The following PKHD1 variants were observed in gnomAD, a reference collection of about 807,000 sequenced individuals.
The protein encoded by PKHD1 is fibrocystin.
Under a neutral mutation model 412.0 loss-of-function variants are expected in PKHD1, and 291 were observed. The ratio of observed to expected loss-of-function variants is 0.71; its 90% CI spans 0.64 to 0.78. PKHD1 has a LOEUF of 0.78. PKHD1 is among the 30% of genes least tolerant of loss of function. PKHD1 has a pLI of 0.00. For synonymous variants in PKHD1, 1,777 were observed against 1,821.5 expected (o/e 0.98, Z 0.62); for missense variants, 4,825 against 4,950.7 (o/e 0.97, Z 0.76).
chr6:51,868,202 T>C (rs1247652073), intron 47 of PKHD1, 93 bp from the exon 48 acceptor site: 1 of 1,139,338 alleles, frequency 8.8e-7, no homozygotes, highest in Non-Finnish European at 1.3e-6. Flanking sequence ...AATTGCATAT[T>C]TATCTAGTTT....
At chr6:51,689,800 AT>A (rs1187328882) in intron 60 of PKHD1, among the ~76,000 whole-genome samples, 16 of 152,166 alleles carry the variant, frequency 1.1e-4, no homozygotes, top group Non-Finnish European at 2.1e-4. Flanking sequence ...GGGGTGAAAG[AT>A]TTTTTTATCC....
intron 60 of PKHD1, among the ~76,000 whole-genome samples, chr6:51,676,754 C>T (rs760625057): frequency 6.6e-6 from 1 of 152,054 alleles, no homozygotes. Context: ...CCTCAATACA[C>T]AAAAGAAGTA....
chr6:51,815,793 A>C (rs115235512), intron 52 of PKHD1, among the ~76,000 whole-genome samples: 2,174 of 152,254 alleles, frequency 0.014, 50 homozygotes, highest in African/African-American at 0.05. Context: ...GGTTTCTGTA[A>C]AGGTTAACTT....
chr6:51,870,666 A>C, intron 46 of PKHD1, 27 bp from the exon 47 acceptor site: 1 of 1,580,936 alleles, frequency 6.3e-7, no homozygotes, highest in Admixed American at 1.7e-5. Context: ...AAAAAGATGA[A>C]AGCAAAATAA....
At chr6:52,002,948 C>A (rs1381488771) in intron 35 of PKHD1, among the ~76,000 whole-genome samples, 1 of 152,172 alleles carries the variant, frequency 6.6e-6, no homozygotes, top group Non-Finnish European at 1.5e-5. Context: ...TAATCCAGTA[C>A]AGACATATAT....
chr6:51,621,223 C>T (rs529271305), intron 66 of PKHD1, among the ~76,000 whole-genome samples: 2 of 152,266 alleles, frequency 1.3e-5, no homozygotes, highest in South Asian at 2.1e-4. Flanking sequence ...TGTTTGTGTG[C>T]CGTCAACCTT....
At chr6:52,071,803 T>C (rs1308016025) in intron 8 of PKHD1, among the ~76,000 whole-genome samples, 3 of 152,126 alleles carry the variant, frequency 2.0e-5, no homozygotes, top group Non-Finnish European at 4.4e-5. Flanking sequence ...TAACCATACA[T>C]ACTCCCAAGA....
intron 35 of PKHD1, among the ~76,000 whole-genome samples, chr6:51,993,392 G>A (rs747015166): frequency 1.1e-4 from 16 of 152,214 alleles, no homozygotes; most frequent in African/African-American, 2.2e-4. Context: ...GACAGGTACC[G>A]AACACTTGAA....
chr6:51,949,418 C>T (rs4715264), intron 36 of PKHD1, among the ~76,000 whole-genome samples: 55,711 of 151,710 alleles, frequency 0.37, 11,120 homozygotes, highest in East Asian at 0.76. Flanking sequence ...TACCTTACTG[C>T]ACTGTGCTGC....
intron 2 of PKHD1, among the ~76,000 whole-genome samples, chr6:52,083,970 T>TAA (rs796981002): frequency 6.9e-5 from 10 of 144,138 alleles, no homozygotes; most frequent in African/African-American, 2.5e-4. Flanking sequence ...TCCTTTTGTT[T>TAA]AAAAAAAAAA....
chr6:51,735,276 C>T lies in PKHD1; in HGVS notation c.10156+9109G>A, dbSNP rs181180789. ...TAAATCTTGGTTCTGCACATTCTAACTGTGGGACTGTGAAAAATTAGTTAA... is the reference window on the plus strand; with the variant it reads ...TAAATCTTGGTTCTGCACATTCTAATTGTGGGACTGTGAAAAATTAGTTAA... On this transcript the variant is annotated intron_variant, in intron 60 of 66. Transcript: ENST00000371117. Among the ~76,000 whole-genome samples the T allele has an allele frequency of 2.5e-4, 38 of 152,282 alleles. No individual in the cohort carries two copies. In the East Asian group the frequency reaches 6.4e-3, roughly 26 times the overall value.
intron 53 of PKHD1, among the ~76,000 whole-genome samples, chr6:51,783,519 A>G (rs1271074076): frequency 1.3e-5 from 2 of 151,768 alleles, no homozygotes; most frequent in Non-Finnish European, 2.9e-5. Context: ...TACAATATTA[A>G]AACAGTCTTT....
At chr6:51,837,902 G>A (rs1163274501) in intron 50 of PKHD1, among the ~76,000 whole-genome samples, 1 of 152,038 alleles carries the variant, frequency 6.6e-6, no homozygotes, top group Admixed American at 6.6e-5. Context: ...CACATGTTGA[G>A]ACCTGGTACA....
chr6:51,615,532 A>C lies in PKHD1; in HGVS notation c.*3549T>G, dbSNP rs1765993104. 1 of 152,208 alleles carries C rather than the reference A, an allele frequency of 6.6e-6. No homozygotes were observed. Among genetic ancestry groups the C allele is most frequent in the South Asian group, 2.1e-4 (1 of 4,834 alleles). 9.4% of individuals were successfully genotyped at this position (152,208 alleles called of 1,614,324 possible). A position where few individuals can be genotyped will look rare whatever the true frequency, so the allele number is the denominator to read the frequency against. On this transcript the variant is annotated 3_prime_UTR_variant, in exon 67 of 67. Coordinates refer to ENST00000371117, the MANE Select transcript of PKHD1 (RefSeq NM_138694.4). Reference sequence around the variant, plus strand: ...AAATTGGCATAGACTATAAGTTCTGAAAGCAAAATATGGAATGCATGAATT... The same window carrying C: ...AAATTGGCATAGACTATAAGTTCTGCAAGCAAAATATGGAATGCATGAATT...
intron 26 of PKHD1, 69 bp downstream of exon 26, chr6:52,043,556 A>G (rs530529549): frequency 3.2e-4 from 333 of 1,049,452 alleles, no homozygotes; most frequent in Non-Finnish European, 4.2e-4. Context: ...CACCAGCTAC[A>G]TGGCCTCTAA....
At position 51,659,108 on chromosome 6, in the gene PKHD1, C is replaced by T. The variant is rs774755160; in HGVS notation, c.11018G>A (p.Arg3673Lys). Reference protein sequence around the residue: ...VIEIGDSPTVRSTGMISSLSS... With the variant: ...VIEIGDSPTVKSTGMISSLSS... ...TAAGGATGAAATCATTCCAGTGCTC[C>T]TTACTGTTGGCGAATCACCAATTTC... The change falls in exon 61 of 67, where the codon AGG (arginine) becomes AAG (lysine). Residue 3673 changes from arginine (R) to lysine (K), a missense_variant. By Grantham distance (26) the Arg-to-Lys change is conservative. Transcript: ENST00000371117. 3.7e-6 allele frequency: 6 copies of T among 1,613,826 alleles called. No homozygotes were observed. The highest frequency in any genetic ancestry group is 2.2e-5 in the South Asian group (2 of 91,084).
intron 58 of PKHD1, 53 bp downstream of exon 58, chr6:51,747,734 T>C: frequency 6.6e-7 from 1 of 1,514,034 alleles, no homozygotes; most frequent in South Asian, 1.1e-5. Context: ...CATTAAAAAT[T>C]TTATGCATGG....
chr6:51,909,422 C>T lies in PKHD1; in HGVS notation c.6543G>A (p.Arg2181=), dbSNP rs1317660982. The T allele has an allele frequency of 1.2e-6, 2 of 1,613,418 alleles. No individual in the cohort carries two copies. The highest frequency in any genetic ancestry group is 2.2e-5 in the East Asian group (1 of 44,860). Residue 2181 remains arginine (R), a synonymous_variant, in exon 40 of 67, where the codon AGG becomes AGA. Transcript: ENST00000371117. ...GAACGATCACTCTGGCTCCCATATC[C>T]CTGGATCCTAGCATCTTCTCACTCA... is the stretch of plus-strand genomic sequence containing the variant. ...YSMSEKMLGS[R]DMGARVIVQS...
At chr6:51,754,733 A>C in intron 56 of PKHD1, 51 bp downstream of exon 56, 1 of 1,530,862 alleles carries the variant, frequency 6.5e-7, no homozygotes, top group Non-Finnish European at 9.1e-7. Context: ...GTTACCAAAC[A>C]TGGTCTTCCT....
Sources: gnomAD v4.1 joint callset for allele counts (sites outside exome capture counted in the v4.1 genomes callset) on GRCh38, gnomAD v4.1.1 for gene constraint, MANE v1.5 for transcripts, NCBI Gene and HGNC (gene_info 2026-07-23, HGNC 2026-07-21) for gene names.